SBK1: variants seen among roughly 807,000 people sequenced by gnomAD.
The protein encoded by SBK1 is SH3 domain binding kinase 1, also known as serine/threonine-protein kinase SBK1.
A neutral mutation model predicts 24.4 loss-of-function variants in SBK1; 11 were observed. The observed-to-expected ratio is 0.45, with a 90% confidence interval of 0.28 to 0.75. The LOEUF is 0.75. Among genes scored for constraint, SBK1 ranks in the 30% least tolerant of loss-of-function variants. SBK1 has a pLI of 0.12. For missense variants in SBK1, 467 were observed against 620.5 expected (o/e 0.75, Z 2.63); for synonymous variants, 308 against 284.4 (o/e 1.08, Z -0.83).
At chr16:28,273,941 T>C (rs2044482112) in intron 1 of SBK1, among the ~76,000 whole-genome samples, 4 of 152,226 alleles carry the variant, frequency 2.6e-5, no homozygotes, top group Non-Finnish European at 4.4e-5. Context: ...AAATGTGTAT[T>C]GCTACGTGAA....
chr16:28,320,198 C>G lies in SBK1; in HGVS notation c.552C>G (p.Asp184Glu). Residue 184 changes from aspartate (D) to glutamate (E), a missense_variant, in exon 4 of 4, where the codon GAC becomes GAG. Asp to Glu is a conservative substitution (Grantham distance 45). Coordinates refer to ENST00000341901, the MANE Select transcript of SBK1 (RefSeq NM_001024401.3). The surrounding 1 kb of genome is among the most constrained non-coding windows in gnomAD (Gnocchi z 8.5). ...AGCCCGAGAACGTGCTGCTGTTCGA[C>G]CGCGAGTGCCGCCGCGTAAAGCTGG... ...DIKPENVLLF[D>E]RECRRVKLAD... is the part of the protein sequence containing the mutation. The G allele has an allele frequency of 6.3e-7, 1 of 1,593,972 alleles. No individual in the cohort carries two copies. The highest frequency in any genetic ancestry group is 8.5e-7 in the Non-Finnish European group (1 of 1,175,698).
chr16:28,292,021 A>C (rs2044602100), upstream of SBK1: 1 of 152,162 alleles, frequency 6.6e-6, no homozygotes, highest in Non-Finnish European at 1.5e-5. Flanking sequence ...ATGGAAGCGC[A>C]GGCAGGCAGG....
chr16:28,304,259 C>T (rs541286245), intron 1 of SBK1, among the ~76,000 whole-genome samples: 23 of 152,302 alleles, frequency 1.5e-4, no homozygotes, highest in Admixed American at 2.0e-4. Flanking sequence ...GCATTTCCTC[C>T]GTGCCTGGCT....
At chr16:28,282,965 G>A (rs947891175) in intron 1 of SBK1, among the ~76,000 whole-genome samples, 23 of 151,926 alleles carry the variant, frequency 1.5e-4, no homozygotes, top group African/African-American at 3.6e-4. Flanking sequence ...ACGGAGTCTC[G>A]CTCCATTGCC....
chr16:28,296,389 G>A lies in SBK1; in HGVS notation c.-8+3089G>A, dbSNP rs142012627. ...ATTACAAGTGTAAGCCACCACACCC[G>A]GCCACACCCAACTAATTTTTGTATT... On this transcript the variant is annotated intron_variant, in intron 1 of 3. Transcript: ENST00000341901. Among the ~76,000 whole-genome samples, 1,517 of 151,806 alleles carry A rather than the reference G, an allele frequency of 1.0e-2. 6 individuals carry two copies. The highest frequency in any genetic ancestry group is 0.034 in the South Asian group (164 of 4,782).
At chr16:28,285,844 G>T (rs1215083219) in intron 1 of SBK1, 1 of 152,232 alleles carries the variant, frequency 6.6e-6, no homozygotes, top group Non-Finnish European at 1.5e-5. Flanking sequence ...CACACTTTCA[G>T]CTGCAAAAAA....
chr16:28,313,865 G>T (rs2044771547), intron 1 of SBK1, among the ~76,000 whole-genome samples: 1 of 152,148 alleles, frequency 6.6e-6, no homozygotes, highest in Admixed American at 6.5e-5. Context: ...AGAGGAGGAG[G>T]AGAGGCTTGG....
chr16:28,282,257 G>A (rs1384043185), intron 1 of SBK1, among the ~76,000 whole-genome samples: 1 of 152,184 alleles, frequency 6.6e-6, no homozygotes, highest in Non-Finnish European at 1.5e-5. Flanking sequence ...ACTTACCGGA[G>A]TTGAGGAGTG....
intron 1 of SBK1, among the ~76,000 whole-genome samples, chr16:28,294,766 A>C (rs1238806933): frequency 6.6e-6 from 1 of 152,174 alleles, no homozygotes; most frequent in African/African-American, 2.4e-5. Flanking sequence ...CACTGACCCA[A>C]GGGTGAGGAT....
chr16:28,306,131 G>A (rs568400192), intron 1 of SBK1, among the ~76,000 whole-genome samples: 7 of 152,192 alleles, frequency 4.6e-5, no homozygotes, highest in East Asian at 1.9e-4. Flanking sequence ...GTGACCCACC[G>A]AGATCTAGCC....
intron 1 of SBK1, among the ~76,000 whole-genome samples, chr16:28,309,285 C>A (rs1157681744): frequency 6.6e-6 from 1 of 152,224 alleles, no homozygotes; most frequent in African/African-American, 2.4e-5. Flanking sequence ...TGTGCACATT[C>A]CAGTGGGGAG....
In SBK1 at chr16:28,292,665, G is replaced by C; in HGVS notation, c.-643G>C. 2 of 984,058 alleles carry C rather than the reference G, an allele frequency of 2.0e-6. No homozygotes were observed. Among genetic ancestry groups the C allele is most frequent in the Non-Finnish European group, 2.4e-6 (2 of 829,328 alleles). The allele number at this position is 984,058 out of a possible 1,614,324, so 61.0% of individuals were successfully genotyped here. ...GGGCCGGGCTGCTCGTAGCGGCGGC[G>C]ACCGAGCCCCCCAGCGGCTGAGGGG... On this transcript the variant is annotated 5_prime_UTR_variant, in exon 1 of 4. Coordinates refer to ENST00000341901, the MANE Select transcript of SBK1 (RefSeq NM_001024401.3).
At chr16:28,300,730 T>C (rs2044672933) in intron 1 of SBK1, among the ~76,000 whole-genome samples, 1 of 152,236 alleles carries the variant, frequency 6.6e-6, no homozygotes, top group African/African-American at 2.4e-5. Context: ...TCAATATATA[T>C]ACAGTGCTTA....
chr16:28,281,291 C>G (rs753089084), intron 1 of SBK1, among the ~76,000 whole-genome samples: 4 of 152,194 alleles, frequency 2.6e-5, no homozygotes, highest in African/African-American at 7.2e-5. Context: ...TCCCAGCCCC[C>G]TCCTGCTCCA....
intron 2 of SBK1, among the ~76,000 whole-genome samples, chr16:28,318,755 C>T (rs891119128): frequency 6.6e-6 from 1 of 152,176 alleles, no homozygotes; most frequent in Non-Finnish European, 1.5e-5. Flanking sequence ...GCATCACAGG[C>T]CCCCTCGCCC....
Position 28,292,793 on chromosome 16 carries a change from G to C in SBK1, c.-515G>C, listed in dbSNP as rs537674866. 4.1e-6 allele frequency: 4 copies of C among 984,604 alleles called. No individual in the cohort carries two copies. In the South Asian group the frequency reaches 1.9e-4, roughly 46 times the overall value. The allele number at this position is 984,604 out of a possible 1,614,324, so 61.0% of individuals were successfully genotyped here. A position where few individuals can be genotyped will look rare whatever the true frequency, so the allele number is the denominator to read the frequency against. On this transcript the variant is annotated 5_prime_UTR_variant, in exon 1 of 4. Transcript: ENST00000341901. The stretch of plus-strand genomic sequence containing the variant: ...AGGATCCGGCGAGCCTCGGGGAAGA[G>C]GGGGGGCCCTCCCGGATCCGACACC...
chr16:28,264,015 G>A (rs1262750333), intron 1 of SBK1, among the ~76,000 whole-genome samples: 6 of 152,120 alleles, frequency 3.9e-5, no homozygotes, highest in African/African-American at 1.4e-4. Context: ...TGTAGTCCCA[G>A]CTACTCAGGA....
At chr16:28,272,913 C>A (rs1474110470) in intron 1 of SBK1, among the ~76,000 whole-genome samples, 1 of 151,956 alleles carries the variant, frequency 6.6e-6, no homozygotes, top group African/African-American at 2.4e-5. Context: ...AGCCACCATG[C>A]CTGGCCTGTC....
At chr16:28,315,395 A>G (rs1173945362) in intron 1 of SBK1, among the ~76,000 whole-genome samples, 3 of 152,264 alleles carry the variant, frequency 2.0e-5, no homozygotes, top group Admixed American at 6.5e-5. Flanking sequence ...AAACTAGAAA[A>G]ATGACATGAG....
Sources: allele counts gnomAD v4.1 joint callset (sites outside exome capture counted in the v4.1 genomes callset), GRCh38; gene constraint gnomAD v4.1.1; non-coding constraint Gnocchi (gnomAD v3.1); transcripts MANE v1.5; gene names NCBI Gene and HGNC (gene_info 2026-07-23, HGNC 2026-07-21).